PEMT: variants seen among roughly 807,000 people sequenced by gnomAD.
The protein encoded by PEMT is phosphatidylethanolamine N-methyltransferase.
Under a neutral mutation model 27.4 loss-of-function variants are expected in PEMT, and 23 were observed. The ratio of observed to expected loss-of-function variants is 0.84; its 90% CI spans 0.60 to 1.19. The LOEUF (loss-of-function observed/expected upper bound fraction) is 1.19, where lower values mean the gene tolerates loss of function less well. PEMT is among the 50% of genes most tolerant of loss of function. The pLI is 0.00. For missense variants in PEMT, 307 were observed against 310.1 expected (o/e 0.99, Z 0.07); for synonymous variants, 137 against 139.1 (o/e 0.98, Z 0.11).
At chr17:17,518,657 T>G (rs1907033207) in intron 3 of PEMT, among the ~76,000 whole-genome samples, 2 of 152,340 alleles carry the variant, frequency 1.3e-5, no homozygotes, top group African/African-American at 4.8e-5. Flanking sequence ...ATCCCATCCA[T>G]GACCCAGGCT....
chr17:17,532,141 G>A (rs1358660754), intron 2 of PEMT, among the ~76,000 whole-genome samples: 2 of 152,174 alleles, frequency 1.3e-5, no homozygotes, highest in Admixed American at 1.3e-4. Flanking sequence ...ACAAGACAAT[G>A]AAAGGACGTT....
intron 2 of PEMT, among the ~76,000 whole-genome samples, chr17:17,543,838 C>T (rs887455916): frequency 6.6e-6 from 1 of 152,206 alleles, no homozygotes; most frequent in Non-Finnish European, 1.5e-5. Flanking sequence ...GTTGGGATTA[C>T]GGGCGTGAGC....
At chr17:17,581,193 G>T (rs1442271147) in intron 1 of PEMT, among the ~76,000 whole-genome samples, 1 of 152,152 alleles carries the variant, frequency 6.6e-6, no homozygotes, top group Non-Finnish European at 1.5e-5. Flanking sequence ...CTGGGCCCTG[G>T]GGGAAATGCT....
At chr17:17,584,853 G>A (rs1251471361) in intron 1 of PEMT, among the ~76,000 whole-genome samples, 2 of 152,230 alleles carry the variant, frequency 1.3e-5, no homozygotes, top group African/African-American at 4.8e-5. Context: ...GCTGAGCACC[G>A]CTTCCTAGCC....
chr17:17,574,383 C>A (rs1375760127), intron 2 of PEMT, among the ~76,000 whole-genome samples: 1 of 146,438 alleles, frequency 6.8e-6, no homozygotes, highest in African/African-American at 2.6e-5. Context: ...ACAGTGGTGC[C>A]ATCTCGGCTC....
At chr17:17,559,704 A>C (rs924249855) in intron 2 of PEMT, among the ~76,000 whole-genome samples, 1 of 152,208 alleles carries the variant, frequency 6.6e-6, no homozygotes, top group African/African-American at 2.4e-5. Context: ...ATTCCCAGGA[A>C]ACCCTAGGCA....
intron 5 of PEMT, chr17:17,506,940 C>G (rs371161064): frequency 1.8e-6 from 1 of 545,992 alleles, no homozygotes; most frequent in South Asian, 2.4e-5. Context: ...CAGGAGCCCC[C>G]GGTCACCCCA....
At chr17:17,579,822 G>A (rs1456384758) in intron 1 of PEMT, among the ~76,000 whole-genome samples, 6 of 152,216 alleles carry the variant, frequency 3.9e-5, no homozygotes, top group Non-Finnish European at 8.8e-5. Context: ...GTGGGCATCA[G>A]TAAACAAATG....
chr17:17,551,005 G>A (rs926302134), intron 2 of PEMT, among the ~76,000 whole-genome samples: 1 of 152,214 alleles, frequency 6.6e-6, no homozygotes, highest in African/African-American at 2.4e-5. Flanking sequence ...GTGCAGATTG[G>A]TGGTATCAGG....
chr17:17,511,085 A>C (rs893918209), intron 4 of PEMT, among the ~76,000 whole-genome samples: 11 of 152,090 alleles, frequency 7.2e-5, no homozygotes, highest in African/African-American at 2.7e-4. Context: ...AGCCCCTTGG[A>C]TGGCCTTCAA....
chr17:17,536,830 C>T (rs936546250), intron 2 of PEMT, among the ~76,000 whole-genome samples: 2 of 152,208 alleles, frequency 1.3e-5, no homozygotes, highest in South Asian at 2.1e-4. Context: ...ATGAGGCTGG[C>T]CTGGCAGTGT....
Position 17,576,911 on chromosome 17 carries a change from A to T in PEMT, c.204+9T>A, listed in dbSNP as rs1911632624. On this transcript the variant is annotated intron_variant, in intron 2 of 6. Coordinates refer to ENST00000255389, the MANE Select transcript of PEMT (RefSeq NM_148172.3). ...CTCCCGTCTGGACAGTGTCAGGCAC[A>T]TCACTTACCACATTCCAGTAGAGCG... 1.9e-6 allele frequency: 3 copies of T among 1,607,852 alleles called. No homozygotes were observed. The African/African-American group carries it at 4.0e-5, about 21-fold the overall frequency.
In PEMT at chr17:17,506,286, C is replaced by A. The variant is rs751633797; in HGVS notation, c.594G>T (p.Thr198=). The A allele has an allele frequency of 6.3e-7, 1 of 1,581,986 alleles. No individual in the cohort carries two copies. Among genetic ancestry groups the A allele is most frequent in the East Asian group, 2.3e-5 (1 of 43,480 alleles). The part of the protein sequence containing the change: ...LGWAIMHASP[T]GLLLTVLVAL... ...CCACCAGCACCGTCAGGAGCAGGCC[C>A]GTGGGGCTGGCGTGCCTGAAAGGAC... Residue 198 remains threonine, a synonymous_variant, in exon 6 of 7, where the codon ACG becomes ACT. Transcript: ENST00000255389.
chr17:17,521,634 G>A lies in PEMT; in HGVS notation c.320+646C>T, dbSNP rs569373473. Among the ~76,000 whole-genome samples the A allele has an allele frequency of 2.0e-3, 306 of 152,198 alleles. 2 individuals carry two copies. The highest frequency in any genetic ancestry group is 6.8e-3 in the Middle Eastern group (2 of 294). ...GGCTGGAGTGCACTGGTGCAACCTC[G>A]GCTCACTGCAACCTCCGCCTCCTGG... On this transcript the variant is annotated intron_variant, in intron 3 of 6. Transcript: ENST00000255389.
chr17:17,576,888 C>T, intron 2 of PEMT, 32 bp downstream of exon 2: 2 of 1,559,932 alleles, frequency 1.3e-6, no homozygotes, highest in Non-Finnish European at 1.8e-6. Flanking sequence ...GTGAGATACT[C>T]CCGTCTGGAC....
At chr17:17,580,897 T>G (rs1911935459) in intron 1 of PEMT, among the ~76,000 whole-genome samples, 1 of 152,012 alleles carries the variant, frequency 6.6e-6, no homozygotes, top group South Asian at 2.1e-4. Flanking sequence ...CCTTTGGACT[T>G]CCCCCAGAGC....
intron 2 of PEMT, among the ~76,000 whole-genome samples, chr17:17,571,169 A>C (rs1235899101): frequency 1.3e-5 from 2 of 151,828 alleles, no homozygotes; most frequent in Non-Finnish European, 2.9e-5. Context: ...GGAAGGACAG[A>C]GGTCATTCAC....
At chr17:17,543,557 T>C (rs1006581889) in intron 2 of PEMT, among the ~76,000 whole-genome samples, 3 of 151,648 alleles carry the variant, frequency 2.0e-5, no homozygotes, top group Non-Finnish European at 4.4e-5. Flanking sequence ...AAGGGCAAAA[T>C]CCAGCTTGTG....
rs756871634 is a variant in PEMT at position 17,522,301 on chromosome 17, A to C, written c.299T>G (p.Leu100Arg). The change falls in exon 3 of 7, where the codon CTG (leucine) becomes CGG (arginine). Residue 100 changes from leucine to arginine, a missense_variant. Leu to Arg is a moderately radical substitution (Grantham distance 102). Coordinates refer to ENST00000255389, the MANE Select transcript of PEMT (RefSeq NM_148172.3). ...CYSLSVTILL[L>R]NFLRSHCFTQ... ...TTACCAGTGCGAGCGCAGGAAGTTC[A>C]GGAGCAGGATGGTGACGCTTAGAGA... 6.2e-7 allele frequency: 1 copy of C among 1,613,486 alleles called. No homozygotes were observed. The highest frequency in any genetic ancestry group is 1.1e-5 in the South Asian group (1 of 91,076).
Sources: allele counts gnomAD v4.1 joint callset (sites outside exome capture counted in the v4.1 genomes callset), GRCh38; gene constraint gnomAD v4.1.1; transcripts MANE v1.5; gene names NCBI Gene and HGNC (gene_info 2026-07-23, HGNC 2026-07-21).